The following LARP1B variants were observed in gnomAD, a reference collection of about 807,000 sequenced individuals.
The protein encoded by LARP1B is La ribonucleoprotein 1B, also known as la-related protein 1B.
In LARP1B, 76 loss-of-function variants were observed where a neutral mutation model predicts 114.2. That is an observed-to-expected ratio of 0.67 (90% CI 0.55 to 0.81). The LOEUF (loss-of-function observed/expected upper bound fraction) is 0.81. Ranked by LOEUF, LARP1B falls within the 30% of genes least tolerant of loss-of-function variation. The pLI is 0.00. For missense variants in LARP1B, 1,014 were observed against 1,075.8 expected, an observed-to-expected ratio of 0.94 and a Z score of 0.80; for synonymous variants, 345 against 348.0, an observed-to-expected ratio of 0.99 and a Z score of 0.10.
At chr4:128,072,126 A>G (rs535790474) in intron 1 of LARP1B, among the ~76,000 whole-genome samples, 155 of 151,906 alleles carry the variant, frequency 1.0e-3, no homozygotes, top group African/African-American at 3.6e-3. Flanking sequence ...CAGCCTCCAG[A>G]GTAGCTAGGA....
At chr4:128,206,868 C>T (rs1757749238) in intron 18 of LARP1B, 2 of 982,256 alleles carry the variant, frequency 2.0e-6, no homozygotes, top group South Asian at 9.4e-5. Flanking sequence ...AGAAATAGCA[C>T]AGTGGTTAAG....
chr4:128,060,881 C>G (rs1324836974), upstream of LARP1B, among the ~76,000 whole-genome samples: 1 of 152,168 alleles, frequency 6.6e-6, no homozygotes, highest in Admixed American at 6.5e-5. Context: ...GGCCGGGGGT[C>G]GACACCGCGT....
chr4:128,178,549 A>G lies in LARP1B; in HGVS notation c.1803A>G (p.Thr601=). ...CTCCTAGAATTCATCCTACAAGAAC[A>G]CCCAAAACACCTCGAACACCTAGGT... ...PESPRIHPTR[T]PKTPRTPRLQ... The change falls in exon 14 of 20, where the codon ACA becomes ACG. Residue 601 remains threonine, a synonymous_variant. Coordinates refer to ENST00000326639, the MANE Select transcript of LARP1B (RefSeq NM_018078.4). The G allele has an allele frequency of 6.2e-7, 1 of 1,614,108 alleles. No homozygotes were observed. Among genetic ancestry groups the G allele is most frequent in the Admixed American group, 1.7e-5 (1 of 60,018 alleles).
chr4:128,089,317 C>T (rs1363721768), intron 5 of LARP1B, among the ~76,000 whole-genome samples: 1 of 152,120 alleles, frequency 6.6e-6, no homozygotes, highest in Non-Finnish European at 1.5e-5. Flanking sequence ...CTATTTTCAA[C>T]CTCATTAGCA....
rs772385344 is a variant in LARP1B at position 128,098,340 on chromosome 4, C to T, written c.813+10C>T. On this transcript the variant is annotated intron_variant, in intron 8 of 19. Transcript: ENST00000326639. ...TAATCTCATCTTAGAGGTAATTGCT[C>T]ATTTGATGAACAATTTGTACTTTCT... is the stretch of plus-strand genomic sequence containing the variant. The T allele has an allele frequency of 4.6e-5, 74 of 1,593,864 alleles. No homozygotes were observed. The highest frequency in any genetic ancestry group is 6.2e-5 in the Non-Finnish European group (72 of 1,167,998).
chr4:128,187,052 A>G (rs1750612447), intron 15 of LARP1B, among the ~76,000 whole-genome samples: 1 of 152,226 alleles, frequency 6.6e-6, no homozygotes, highest in South Asian at 2.1e-4. Flanking sequence ...GGATGTCTAG[A>G]CTAAAGCCTG....
At chr4:128,143,652 G>T (rs1457095292) in intron 11 of LARP1B, among the ~76,000 whole-genome samples, 1 of 152,146 alleles carries the variant, frequency 6.6e-6, no homozygotes, top group Non-Finnish European at 1.5e-5. Context: ...TGGAACAGTG[G>T]TGGGGGAGAG....
At chr4:128,122,842 G>A in intron 11 of LARP1B, 4 of 1,047,128 alleles carry the variant, frequency 3.8e-6, no homozygotes, top group Non-Finnish European at 4.6e-6. Flanking sequence ...GTAAAATAGA[G>A]AACCAGAATA....
chr4:128,198,256 G>A (rs1358309459), intron 15 of LARP1B, among the ~76,000 whole-genome samples: 3 of 152,128 alleles, frequency 2.0e-5, no homozygotes, highest in Non-Finnish European at 4.4e-5. Context: ...GTAAAAAAAT[G>A]TATAACATGA....
At chr4:128,103,697 G>A (rs1306434451) in intron 8 of LARP1B, among the ~76,000 whole-genome samples, 1 of 151,822 alleles carries the variant, frequency 6.6e-6, no homozygotes, top group East Asian at 1.9e-4. Context: ...TGAGTAGCTG[G>A]GATTACAAGC....
Position 128,155,602 on chromosome 4 carries a change from T to G in LARP1B, c.1525-6592T>G. 3.9e-6 allele frequency: 4 copies of G among 1,035,638 alleles called. No homozygotes were observed. In the South Asian group the frequency reaches 5.0e-5, roughly 13 times the overall value. 64.2% of individuals were successfully genotyped at this position (1,035,638 alleles called of 1,614,324 possible). A position where few individuals can be genotyped will look rare whatever the true frequency, so the allele number is the denominator to read the frequency against. On this transcript the variant is annotated intron_variant, in intron 11 of 19. Coordinates refer to ENST00000326639, the MANE Select transcript of LARP1B (RefSeq NM_018078.4). ...TTGCCCCAGGCCTCTGACCTACCCT[T>G]AGTCCAGCCCCCTACAACCCCAGCC...
At chr4:128,101,689 A>C (rs1780388002) in intron 8 of LARP1B, among the ~76,000 whole-genome samples, 1 of 151,726 alleles carries the variant, frequency 6.6e-6, no homozygotes, top group Non-Finnish European at 1.5e-5. Context: ...CACGTTGGCC[A>C]GGTTGGTCTC....
At chr4:128,152,756 A>G (rs899568274) in intron 11 of LARP1B, among the ~76,000 whole-genome samples, 4 of 151,458 alleles carry the variant, frequency 2.6e-5, no homozygotes, top group African/African-American at 7.3e-5. Flanking sequence ...ATTCATTTTG[A>G]TGTTCAGAAT....
rs758314077 is a variant in LARP1B, at chr4:128,114,656, G to T, written c.1075G>T (p.Gly359Cys). The change falls in exon 10 of 20, where the codon GGT (glycine) becomes TGT (cysteine). Residue 359 changes from glycine to cysteine, a missense_variant. By Grantham distance (159) the Gly-to-Cys change is radical (BLOSUM62 -3). Coordinates refer to ENST00000326639, the MANE Select transcript of LARP1B (RefSeq NM_018078.4). Reference sequence around the variant, plus strand: ...AAGTATTCTTCAAGCAATGTCTAGAGGTTTGTCTACCAGTTTGCCTGACTT... The same window carrying T: ...AAGTATTCTTCAAGCAATGTCTAGATGTTTGTCTACCAGTTTGCCTGACTT... ...ETSILQAMSR[G>C]LSTSLPDLDS... 1 of 1,613,968 alleles carries T rather than the reference G, an allele frequency of 6.2e-7. No homozygotes were observed. The highest frequency in any genetic ancestry group is 1.1e-5 in the South Asian group (1 of 91,078).
At chr4:128,184,492 A>C (rs144385865) in intron 15 of LARP1B, among the ~76,000 whole-genome samples, 63 of 152,356 alleles carry the variant, frequency 4.1e-4, no homozygotes, top group African/African-American at 1.5e-3. Context: ...TGATACATGC[A>C]TACAATGTGT....
chr4:128,088,918 GT>G (rs1016817341), intron 5 of LARP1B, among the ~76,000 whole-genome samples: 1 of 151,952 alleles, frequency 6.6e-6, no homozygotes, highest in Non-Finnish European at 1.5e-5. Context: ...GAGCTCAGGA[GT>G]TTGAGACCAG....
At chr4:128,157,300 G>A (rs907971951) in intron 11 of LARP1B, among the ~76,000 whole-genome samples, 13 of 152,096 alleles carry the variant, frequency 8.5e-5, no homozygotes, top group African/African-American at 2.7e-4. Flanking sequence ...CTGGAAGATG[G>A]ATCAAAAGAA....
chr4:128,189,101 C>T (rs1424285332), intron 15 of LARP1B, among the ~76,000 whole-genome samples: 2 of 151,810 alleles, frequency 1.3e-5, no homozygotes, highest in Non-Finnish European at 2.9e-5. Flanking sequence ...GTTGAAGCCC[C>T]CTGCTATTAT....
intron 12 of LARP1B, among the ~76,000 whole-genome samples, chr4:128,164,649 C>T (rs947326910): frequency 6.6e-6 from 1 of 152,064 alleles, no homozygotes; most frequent in Non-Finnish European, 1.5e-5. Flanking sequence ...CATATTATAA[C>T]CCAGCAGTTT....
Sources: gnomAD v4.1 joint callset for allele counts (sites outside exome capture counted in the v4.1 genomes callset) on GRCh38, gnomAD v4.1.1 for gene constraint, MANE v1.5 for transcripts, NCBI Gene and HGNC (gene_info 2026-07-23, HGNC 2026-07-21) for gene names.